Variants in HIP1R observed in about 807,000 individuals in gnomAD.
HIP1R encodes the protein huntingtin-interacting protein 1-related protein.
A neutral mutation model predicts 144.2 loss-of-function variants in HIP1R; 135 were observed. The ratio of observed to expected loss-of-function variants is 0.94; its 90% CI spans 0.81 to 1.08. The LOEUF (loss-of-function observed/expected upper bound fraction) is 1.08. HIP1R is among the 50% of genes least tolerant of loss of function. The pLI is 0.00. For missense variants in HIP1R, 1,462 were observed against 1,432.8 expected (o/e 1.02, Z -0.33); for synonymous variants, 698 against 612.8 (o/e 1.14, Z -2.05).
intron 3 of HIP1R, 77 bp from the exon 4 acceptor site, chr12:122,848,719 G>A: frequency 4.4e-6 from 7 of 1,600,698 alleles, no homozygotes; most frequent in Middle Eastern, 1.7e-4. Flanking sequence ...CTCCCGCCTC[G>A]GGTGGGGAGT....
At chr12:122,848,399 T>C in intron 2 of HIP1R, 67 bp from the exon 3 acceptor site, 1 of 1,549,584 alleles carries the variant, frequency 6.5e-7, no homozygotes, top group Non-Finnish European at 8.7e-7. Context: ...CCCTGGCCTC[T>C]CTCAGCCGGG....
In HIP1R at chr12:122,856,047, G is replaced by C. The variant is rs754227440; in HGVS notation, c.1196G>C (p.Arg399Pro). Residue 399 changes from arginine (R) to proline (P), a missense_variant, in exon 14 of 32, where the codon CGG becomes CCG. By Grantham distance (103) the Arg-to-Pro change is moderately radical (BLOSUM62 -2). Around this residue, in one of 2 missense-constraint regions of HIP1R, gnomAD observed 1,112 missense variants for 1,011.7 expected, o/e 1.10. Transcript: ENST00000253083. ...NALEGELEEQ[R>P]KQKQKALVDN... ...CTGGAGGGTGAGCTGGAGGAGCAGC[G>C]GAAGCAGAAGCAGAAGGCCCTGGTG... is the stretch of plus-strand genomic sequence containing the variant. 5.0e-6 allele frequency: 8 copies of C among 1,593,978 alleles called. No individual in the cohort carries two copies. The South Asian group carries it at 9.1e-5, about 18-fold the overall frequency.
At chr12:122,848,725 G>A in intron 3 of HIP1R, 71 bp from the exon 4 acceptor site, 1 of 1,599,902 alleles carries the variant, frequency 6.3e-7, no homozygotes, top group Non-Finnish European at 8.6e-7. Context: ...CCTCGGGTGG[G>A]GAGTGCGTGT....
intron 4 of HIP1R, among the ~76,000 whole-genome samples, chr12:122,849,100 G>A (rs1210278508): frequency 1.3e-5 from 2 of 152,182 alleles, no homozygotes; most frequent in Non-Finnish European, 2.9e-5. Context: ...TCACGAGTTG[G>A]GAAATGTGGC....
Position 122,855,135 on chromosome 12 carries a change from C to T in HIP1R, c.852+7C>T. 2 of 1,613,354 alleles carry T rather than the reference C, an allele frequency of 1.2e-6. No homozygotes were observed. The highest frequency in any genetic ancestry group is 8.5e-7 in the Non-Finnish European group (1 of 1,179,910). On this transcript the variant is annotated splice_region_variant and intron_variant, in intron 10 of 31. Coordinates refer to ENST00000253083, the MANE Select transcript of HIP1R (RefSeq NM_003959.3). Reference sequence around the variant, plus strand: ...GATCCCCCGGCTGCCCGAGGTACCACCCCCAAGAGGGCCCCGAGGCCCTTT... The same window carrying T: ...GATCCCCCGGCTGCCCGAGGTACCATCCCCAAGAGGGCCCCGAGGCCCTTT...
intron 20 of HIP1R, 114 bp from the exon 21 acceptor site, chr12:122,858,724 G>C: frequency 2.5e-6 from 2 of 804,534 alleles, no homozygotes; most frequent in East Asian, 4.9e-5. Context: ...TTGTCTTGCC[G>C]AGCCCTCCTT....
intron 1 of HIP1R, among the ~76,000 whole-genome samples, chr12:122,838,401 A>C (rs1939403873): frequency 6.6e-6 from 1 of 152,190 alleles, no homozygotes; most frequent in African/African-American, 2.4e-5. Flanking sequence ...ACAGAATACT[A>C]CAAAATACAG....
rs1390756437 is a variant in HIP1R at position 122,855,275 on chromosome 12, A to C, written c.863A>C (p.Asn288Thr). Residue 288 changes from asparagine to threonine, a missense_variant, in exon 11 of 32, where the codon AAC becomes ACC. By Grantham distance (65) the Asn-to-Thr change is moderately conservative. This residue lies in a region of HIP1R where 350 missense variants were observed against 421.1 expected (regional missense o/e 0.83). Transcript: ENST00000253083. ...QIPRLPEGPP[N>T]FLRASALAEH... is the part of the protein sequence containing the mutation. ...CTGCCGCCCCTGCAGGGACCCCCTA[A>C]CTTCCTGCGGGCCTCAGCCCTGGCT... 2 of 1,612,402 alleles carry C rather than the reference A, an allele frequency of 1.2e-6. No individual in the cohort carries two copies. Among genetic ancestry groups the C allele is most frequent in the Non-Finnish European group, 1.7e-6 (2 of 1,179,820 alleles).
Position 122,848,849 on chromosome 12 carries a change from G to C in HIP1R, c.354G>C (p.Leu118=), listed in dbSNP as rs952810050. The change falls in exon 4 of 32, where the codon CTG becomes CTC. Residue 118 remains leucine, a synonymous_variant. Coordinates refer to ENST00000253083, the MANE Select transcript of HIP1R (RefSeq NM_003959.3). ...GCAACATCCGGGAGATTGGAGACCT[G>C]TGGGTAGGTCCAGCCATTCTAGGTC... ...YRSNIREIGD[L]WGHLHDRYGQ... is the part of the protein sequence containing the mutation. 8 of 1,613,142 alleles carry C rather than the reference G, an allele frequency of 5.0e-6. No individual in the cohort carries two copies. In the Admixed American group the frequency reaches 1.0e-4, roughly 20 times the overall value.
rs115798585 is a variant in HIP1R, at chr12:122,856,696, C to T, written c.1590C>T (p.Arg530=). 717 of 1,589,454 alleles carry T rather than the reference C, an allele frequency of 4.5e-4. 5 individuals carry two copies. In the African/African-American group the frequency reaches 8.3e-3, roughly 18 times the overall value. Residue 530 remains arginine (R), a synonymous_variant, in exon 17 of 32, where the codon CGC becomes CGT. Coordinates refer to ENST00000253083, the MANE Select transcript of HIP1R (RefSeq NM_003959.3). ...AGGCCAAGGCCGGAGAGCTGGCCCG[C>T]GCGCAGGAGGCCCTGAGCCACACAG... The part of the protein sequence containing the change: ...ELEAKAGELA[R]AQEALSHTEQ...
chr12:122,860,610 GGGGTGTGGAGT>G (rs2033740046), intron 27 of HIP1R, 58 bp from the exon 28 acceptor site: 7 of 1,556,168 alleles, frequency 4.5e-6, no homozygotes. Flanking sequence ...GGGAGTAGAG[GGGGTGTGGAGT>G]GGTGCCAGCC....
At position 122,848,592 on chromosome 12, in the gene HIP1R, G is replaced by A. The variant is rs773294717; in HGVS notation, c.284G>A (p.Arg95Gln). The change falls in exon 3 of 32, where the codon CGA becomes CAA. Residue 95 changes from arginine to glutamine, a missense_variant. Transcript: ENST00000253083. The stretch of plus-strand genomic sequence containing the variant: ...TGCCACGTCCTCCACAAGGTCCTTC[G>A]AGACGGGCACCCCAATGTGAGTAGC... ...KFCHVLHKVL[R>Q]DGHPNVLHDC... The A allele has an allele frequency of 8.1e-6, 13 of 1,612,268 alleles. No homozygotes were observed. The highest frequency in any genetic ancestry group is 5.5e-5 in the South Asian group (5 of 91,022).
In HIP1R at chr12:122,862,004, C is replaced by G. The variant is rs1225880717; in HGVS notation, c.*251C>G. 5 of 502,794 alleles carry G rather than the reference C, an allele frequency of 9.9e-6. No homozygotes were observed. Among genetic ancestry groups the G allele is most frequent in the Non-Finnish European group, 1.8e-5 (5 of 285,624 alleles). 31.1% of individuals were successfully genotyped at this position (502,794 alleles called of 1,614,324 possible). On this transcript the variant is annotated 3_prime_UTR_variant, in exon 32 of 32. Transcript: ENST00000253083. ...GGGGTGCAGCCAGGACCCGGTAGGC[C>G]TGAGCCTCAACTCTTCAGAAAATAG...
rs774216067 is a variant in HIP1R at position 122,848,575 on chromosome 12, C to T, written c.267C>T (p.Val89=). The T allele has an allele frequency of 6.2e-7, 1 of 1,613,122 alleles. No homozygotes were observed. The highest frequency in any genetic ancestry group is 8.5e-7 in the Non-Finnish European group (1 of 1,179,938). The change falls in exon 3 of 32, where the codon GTC becomes GTT. Residue 89 remains valine (V), a synonymous_variant. Coordinates refer to ENST00000253083, the MANE Select transcript of HIP1R (RefSeq NM_003959.3). ...SSILSWKFCH[V]LHKVLRDGHP... Reference sequence around the variant, plus strand: ...TTCTCAGCTGGAAGTTCTGCCACGTCCTCCACAAGGTCCTTCGAGACGGGC... The same window carrying T: ...TTCTCAGCTGGAAGTTCTGCCACGTTCTCCACAAGGTCCTTCGAGACGGGC...
chr12:122,849,265 C>T (rs2033303550), intron 4 of HIP1R, among the ~76,000 whole-genome samples: 1 of 152,270 alleles, frequency 6.6e-6, no homozygotes, highest in Non-Finnish European at 1.5e-5. Flanking sequence ...GGCCTGCAAT[C>T]TGGATGCACT....
At chr12:122,861,574 G>C in intron 31 of HIP1R, 60 bp downstream of exon 31, 1 of 1,573,270 alleles carries the variant, frequency 6.4e-7, no homozygotes, top group South Asian at 1.1e-5. Flanking sequence ...CAGCCCTAGA[G>C]GGGCACATGG....
intron 7 of HIP1R, among the ~76,000 whole-genome samples, chr12:122,852,777 C>A: frequency 6.6e-6 from 1 of 152,090 alleles, no homozygotes; most frequent in East Asian, 1.9e-4. Context: ...CCGGGAAGAT[C>A]TAGAAAACAT....
At position 122,856,043 on chromosome 12, in the gene HIP1R, CAGCGGA is replaced by C. The variant is rs748443363; in HGVS notation, c.1196_1201del (p.Arg399_Lys400del). On this transcript the variant is annotated inframe_deletion, in exon 14 of 32. Transcript: ENST00000253083. ...TGCACTGGAGGGTGAGCTGGAGGAG[CAGCGGA>C]AGCAGAAGCAGAAGGCCCTGGTGGA... 18 of 1,594,390 alleles carry C rather than the reference CAGCGGA, an allele frequency of 1.1e-5. No homozygotes were observed. The highest frequency in any genetic ancestry group is 6.0e-6 in the Non-Finnish European group (7 of 1,170,762).
In HIP1R at chr12:122,860,062, C is replaced by T. The variant is rs780082857; in HGVS notation, c.2481C>T (p.Cys827=). ...TCTCCCCCAGGATCCTCAACTCCTGCACAGACCTGATGAAGGTGAGGGGCT... is the reference window on the plus strand; with the variant it reads ...TCTCCCCCAGGATCCTCAACTCCTGTACAGACCTGATGAAGGTGAGGGGCT... ...LEVNERILNS[C]TDLMKAIRLL... The change falls in exon 25 of 32, where the codon TGC becomes TGT. Residue 827 remains cysteine, a synonymous_variant. Coordinates refer to ENST00000253083, the MANE Select transcript of HIP1R (RefSeq NM_003959.3). The T allele has an allele frequency of 1.9e-6, 3 of 1,573,386 alleles. No homozygotes were observed. The highest frequency in any genetic ancestry group is 2.6e-6 in the Non-Finnish European group (3 of 1,160,234).
Sources: gnomAD v4.1 joint callset for allele counts (sites outside exome capture counted in the v4.1 genomes callset) on GRCh38, gnomAD v4.1.1 for gene constraint, gnomAD v4.1.1 regional missense constraint, MANE v1.5 for transcripts, NCBI Gene and HGNC (gene_info 2026-07-23, HGNC 2026-07-21) for gene names.